CTNNA3: variants seen among roughly 807,000 people sequenced by gnomAD.
The protein encoded by CTNNA3 is catenin alpha 3.
A neutral mutation model predicts 95.7 loss-of-function variants in CTNNA3; 76 were observed. The ratio of observed to expected loss-of-function variants is 0.79; its 90% CI spans 0.66 to 0.96. The LOEUF is 0.96. Ranked by LOEUF, CTNNA3 falls within the 40% of genes least tolerant of loss-of-function variation. The pLI, the probability that CTNNA3 is intolerant of heterozygous loss-of-function variation, is 0.00. For synonymous variants in CTNNA3, 431 were observed against 374.4 expected (o/e 1.15, Z -1.74); for missense variants, 1,191 against 1,089.8 (o/e 1.09, Z -1.31).
At chr10:66,936,313 T>C (rs557134818) in intron 7 of CTNNA3, among the ~76,000 whole-genome samples, 7 of 151,974 alleles carry the variant, frequency 4.6e-5, no homozygotes, top group African/African-American at 1.7e-4. Flanking sequence ...ATACGTTTCT[T>C]AATGTTAAAA....
intron 7 of CTNNA3, among the ~76,000 whole-genome samples, chr10:67,089,717 A>ATGTG (rs71006125): frequency 0.093 from 13,485 of 144,572 alleles, 629 homozygotes; most frequent in South Asian, 0.13. Flanking sequence ...GTATATACAT[A>ATGTG]TGTGTGTGTG....
rs894831526 is a variant in CTNNA3, at chr10:65,914,066, G to A, written c.*6264C>T. The stretch of plus-strand genomic sequence containing the variant: ...AACCATCCTTCTTGAAAATGCCAAG[G>A]AAATAAACTTTGGAACTGGGAATAT... On this transcript the variant is annotated 3_prime_UTR_variant, in exon 18 of 18. Transcript: ENST00000433211. 5.3e-5 allele frequency: 8 copies of A among 152,202 alleles called. No homozygotes were observed. Among genetic ancestry groups the A allele is most frequent in the African/African-American group, 1.9e-4 (8 of 41,540 alleles). The allele number at this position is 152,202 out of a possible 1,614,324, so 9.4% of individuals were successfully genotyped here.
chr10:66,723,595 G>C (rs1382904056), intron 9 of CTNNA3, among the ~76,000 whole-genome samples: 1 of 152,176 alleles, frequency 6.6e-6, no homozygotes, highest in East Asian at 1.9e-4. Flanking sequence ...GACTAGAATG[G>C]TGACCCTGAT....
chr10:66,724,693 C>A (rs537773534), intron 9 of CTNNA3, among the ~76,000 whole-genome samples: 2 of 152,128 alleles, frequency 1.3e-5, no homozygotes, highest in Non-Finnish European at 2.9e-5. Context: ...GACAAAAACT[C>A]TCAACATACT....
chr10:67,427,425 C>T (rs1272393735), intron 5 of CTNNA3, among the ~76,000 whole-genome samples: 2 of 151,950 alleles, frequency 1.3e-5, no homozygotes, highest in African/African-American at 2.4e-5. Context: ...TGTTTGATAT[C>T]ATTAAATAGC....
intron 14 of CTNNA3, among the ~76,000 whole-genome samples, chr10:66,073,579 A>AGCCTC (rs2080485898): frequency 1.3e-5 from 2 of 152,046 alleles, no homozygotes; most frequent in Non-Finnish European, 2.9e-5. Flanking sequence ...GAAGTTTTAT[A>AGCCTC]TTTTAGAAAA....
chr10:67,181,843 T>TA (rs1175056144), intron 6 of CTNNA3, among the ~76,000 whole-genome samples: 10 of 151,478 alleles, frequency 6.6e-5, no homozygotes, highest in African/African-American at 1.9e-4. Context: ...ACATTTTTTT[T>TA]AAAAAAACAG....
intron 15 of CTNNA3, among the ~76,000 whole-genome samples, chr10:66,066,296 A>G (rs1379641596): frequency 1.3e-5 from 2 of 152,202 alleles, no homozygotes; most frequent in East Asian, 3.8e-4. Context: ...ATTATCCAAA[A>G]TCCAACTACT....
At chr10:66,772,705 T>C (rs1268728816) in intron 8 of CTNNA3, among the ~76,000 whole-genome samples, 1 of 152,212 alleles carries the variant, frequency 6.6e-6, no homozygotes, top group Admixed American at 6.5e-5. Context: ...CTCAAATCTA[T>C]AATTTGCTTC....
At chr10:66,804,801 G>C (rs1841575539) in intron 7 of CTNNA3, among the ~76,000 whole-genome samples, 1 of 152,022 alleles carries the variant, frequency 6.6e-6, no homozygotes, top group Non-Finnish European at 1.5e-5. Context: ...TTAGAAAAGA[G>C]TTAACATAGC....
chr10:66,473,893 A>G (rs1314655806), intron 11 of CTNNA3, among the ~76,000 whole-genome samples: 1 of 151,902 alleles, frequency 6.6e-6, no homozygotes, highest in Non-Finnish European at 1.5e-5. Flanking sequence ...TATGTGCCAC[A>G]TTTTCTTAAT....
rs576661379 is a variant in CTNNA3, at chr10:67,065,247, T to C, written c.1047+115070A>G. 3.3e-5 allele frequency among the ~76,000 whole-genome samples: 5 copies of C among 152,308 alleles called. No homozygotes were observed. In the East Asian group the frequency reaches 7.7e-4, roughly 24 times the overall value. On this transcript the variant is annotated intron_variant, in intron 7 of 17. Transcript: ENST00000433211. Reference sequence around the variant, plus strand: ...AATCCCACGTTGACCATACACATGCTGTATGGCCTTGGGCAACTCCTTTGA... The same window carrying C: ...AATCCCACGTTGACCATACACATGCCGTATGGCCTTGGGCAACTCCTTTGA...
chr10:66,012,683 T>C (rs1013510216), intron 15 of CTNNA3, among the ~76,000 whole-genome samples: 2 of 152,222 alleles, frequency 1.3e-5, no homozygotes, highest in East Asian at 3.8e-4. Context: ...TCAATTAGTC[T>C]GGGGTCTCTC....
chr10:67,009,651 C>A (rs868166719), intron 7 of CTNNA3, among the ~76,000 whole-genome samples: 1 of 151,890 alleles, frequency 6.6e-6, no homozygotes, highest in African/African-American at 2.4e-5. Flanking sequence ...TTATACAGCT[C>A]TTTGTTGTGT....
At chr10:66,198,565 T>A (rs2087113632) in intron 13 of CTNNA3, among the ~76,000 whole-genome samples, 1 of 152,084 alleles carries the variant, frequency 6.6e-6, no homozygotes, top group Admixed American at 6.6e-5. Flanking sequence ...AATAATGATC[T>A]CAGAAATACA....
At chr10:65,973,843 C>T (rs924354951) in intron 16 of CTNNA3, among the ~76,000 whole-genome samples, 1 of 152,034 alleles carries the variant, frequency 6.6e-6, no homozygotes, top group African/African-American at 2.4e-5. Flanking sequence ...CCCCTATTAC[C>T]CAAACACCTC....
intron 11 of CTNNA3, among the ~76,000 whole-genome samples, chr10:66,461,703 A>C (rs905306798): frequency 2.0e-5 from 3 of 149,712 alleles, no homozygotes; most frequent in East Asian, 2.0e-4. Context: ...ATATATATAT[A>C]TCAAGTGGAA....
At chr10:66,272,580 G>GC (rs2091305630) in intron 13 of CTNNA3, among the ~76,000 whole-genome samples, 1 of 151,942 alleles carries the variant, frequency 6.6e-6, no homozygotes, top group Non-Finnish European at 1.5e-5. Flanking sequence ...GCACCACAGG[G>GC]CCTCAAGCAG....
chr10:66,145,200 T>A (rs2083819926), intron 13 of CTNNA3, among the ~76,000 whole-genome samples: 1 of 152,166 alleles, frequency 6.6e-6, no homozygotes, highest in African/African-American at 2.4e-5. Context: ...TTGAAGTATA[T>A]CCATATGCCG....
Sources: allele counts gnomAD v4.1 joint callset (sites outside exome capture counted in the v4.1 genomes callset), GRCh38; gene constraint gnomAD v4.1.1; transcripts MANE v1.5; gene names NCBI Gene and HGNC (gene_info 2026-07-23, HGNC 2026-07-21).